The following CA8 variants were observed in gnomAD, a reference collection of about 807,000 sequenced individuals.
CA8 encodes the protein carbonic anhydrase 8 (inactive).
CA8 carries 22 observed loss-of-function variants against 41.4 expected under a neutral mutation model. That is an observed-to-expected ratio of 0.53 (90% CI 0.38 to 0.76). The LOEUF is 0.76. Among genes scored for constraint, CA8 ranks in the 30% least tolerant of loss-of-function variants. The pLI, the probability that CA8 is intolerant of heterozygous loss-of-function variation, is 0.00. For synonymous variants in CA8, 121 were observed against 130.6 expected, an observed-to-expected ratio of 0.93 and a Z score of 0.50; for missense variants, 270 against 352.8, an observed-to-expected ratio of 0.77 and a Z score of 1.88.
At chr8:60,212,261 C>T (rs1374847377) in intron 7 of CA8, among the ~76,000 whole-genome samples, 2 of 152,196 alleles carry the variant, frequency 1.3e-5, no homozygotes, top group Non-Finnish European at 2.9e-5. Context: ...TTTATTAATG[C>T]ATTCAAAGGG....
chr8:60,225,531 T>C (rs1218371705), intron 5 of CA8, among the ~76,000 whole-genome samples: 2 of 152,214 alleles, frequency 1.3e-5, no homozygotes, highest in African/African-American at 4.8e-5. Flanking sequence ...ATCAGCTTTT[T>C]TTATCTGGAC....
At chr8:60,237,332 T>C (rs1472562747) in intron 3 of CA8, among the ~76,000 whole-genome samples, 1 of 152,224 alleles carries the variant, frequency 6.6e-6, no homozygotes, top group African/African-American at 2.4e-5. Context: ...GTTTTACTGT[T>C]ATTAGCATTA....
Position 60,281,239 on chromosome 8 carries a change from GGA to G in CA8, c.-94_-93del. The G allele has an allele frequency of 1.1e-6, 1 of 885,512 alleles. No homozygotes were observed. Among genetic ancestry groups the G allele is most frequent in the Non-Finnish European group, 1.8e-6 (1 of 557,266 alleles). The allele number at this position is 885,512 out of a possible 1,614,324, so 54.9% of individuals were successfully genotyped here. ...GGAGCCGGAGCGGAGCGCGCGTGGG[GGA>G]GTGTGAGCACGCGTGAGCGGCAGTG... On this transcript the variant is annotated 5_prime_UTR_variant, in exon 1 of 9. Coordinates refer to ENST00000317995, the MANE Select transcript of CA8 (RefSeq NM_004056.6).
At chr8:60,217,265 C>A (rs1489400137) in intron 7 of CA8, among the ~76,000 whole-genome samples, 1 of 152,184 alleles carries the variant, frequency 6.6e-6, no homozygotes, top group Non-Finnish European at 1.5e-5. Flanking sequence ...CAAATGTGAC[C>A]ATAGACACCC....
At chr8:60,209,221 C>T (rs995886072) in intron 7 of CA8, among the ~76,000 whole-genome samples, 9 of 152,198 alleles carry the variant, frequency 5.9e-5, no homozygotes, top group African/African-American at 2.2e-4. Flanking sequence ...CACAGTGGCT[C>T]ACGCCTGTAA....
At chr8:60,201,843 A>C (rs529817428) in intron 8 of CA8, among the ~76,000 whole-genome samples, 6 of 152,294 alleles carry the variant, frequency 3.9e-5, no homozygotes, top group Middle Eastern at 3.4e-3. Flanking sequence ...GAAGTTTTAA[A>C]TTTCGTGTTG....
intron 2 of CA8, among the ~76,000 whole-genome samples, chr8:60,277,693 T>C (rs1202100950): frequency 1.3e-5 from 2 of 152,174 alleles, no homozygotes; most frequent in African/African-American, 4.8e-5. Context: ...TTGATAAAGA[T>C]AAAACATTAT....
chr8:60,259,643 G>A (rs1803663604), intron 3 of CA8, among the ~76,000 whole-genome samples: 1 of 152,000 alleles, frequency 6.6e-6, no homozygotes, highest in Non-Finnish European at 1.5e-5. Flanking sequence ...TGCATGAAAT[G>A]TAAAAATAAA....
intron 8 of CA8, among the ~76,000 whole-genome samples, chr8:60,196,251 GATA>G (rs1563518541): frequency 6.6e-6 from 1 of 152,100 alleles, no homozygotes; most frequent in Non-Finnish European, 1.5e-5. Context: ...AATCTATAAT[GATA>G]ATAATAGTAA....
chr8:60,208,636 G>C, intron 8 of CA8, 114 bp downstream of exon 8: 1 of 885,412 alleles, frequency 1.1e-6, no homozygotes, highest in Non-Finnish European at 1.8e-6. Context: ...ATTTTATCAA[G>C]ATGAAGTACA....
In CA8 at chr8:60,193,921, C is replaced by T. The variant is rs192188169; in HGVS notation, c.*36-3936G>A. On this transcript the variant is annotated intron_variant, in intron 8 of 8. Transcript: ENST00000317995. The stretch of plus-strand genomic sequence containing the variant: ...TTCTCTCTCTAGCTTATTACGTGGA[C>T]GATAGACCTCTTAAACTGGTCCTCT... 1.6e-4 allele frequency among the ~76,000 whole-genome samples: 25 copies of T among 152,256 alleles called. 1 individual carries two copies. The highest frequency in any genetic ancestry group is 4.3e-4 in the African/African-American group (18 of 41,542).
At chr8:60,250,687 C>T (rs969464582) in intron 3 of CA8, among the ~76,000 whole-genome samples, 3 of 152,176 alleles carry the variant, frequency 2.0e-5, no homozygotes, top group African/African-American at 7.2e-5. Flanking sequence ...GTGATTTCCG[C>T]ATATCTTTTC....
At chr8:60,204,521 A>G (rs1213690630) in intron 8 of CA8, among the ~76,000 whole-genome samples, 1 of 152,218 alleles carries the variant, frequency 6.6e-6, no homozygotes, top group South Asian at 2.1e-4. Flanking sequence ...TTTGTTTAGT[A>G]ATCTTGAAGA....
At chr8:60,251,131 T>C (rs1808429703) in intron 3 of CA8, among the ~76,000 whole-genome samples, 1 of 152,224 alleles carries the variant, frequency 6.6e-6, no homozygotes, top group South Asian at 2.1e-4. Context: ...ACAGATTATC[T>C]GGCATTTGAA....
chr8:60,230,556 C>A (rs756577094), intron 4 of CA8, among the ~76,000 whole-genome samples: 1 of 152,002 alleles, frequency 6.6e-6, no homozygotes, highest in East Asian at 1.9e-4. Context: ...CCCGACCCCC[C>A]CGATGGATTT....
At chr8:60,221,764 A>G (rs535875719) in intron 7 of CA8, among the ~76,000 whole-genome samples, 123 of 152,364 alleles carry the variant, frequency 8.1e-4, no homozygotes, top group Non-Finnish European at 1.3e-3. Flanking sequence ...AAATAAAGAG[A>G]AATTATTAAA....
chr8:60,212,930 C>A (rs1428788525), intron 7 of CA8, among the ~76,000 whole-genome samples: 3 of 152,148 alleles, frequency 2.0e-5, no homozygotes, highest in Non-Finnish European at 2.9e-5. Flanking sequence ...TTATCAATAA[C>A]AAGAGTCAGA....
intron 3 of CA8, among the ~76,000 whole-genome samples, chr8:60,250,258 TAC>T (rs1211375302): frequency 3.3e-5 from 5 of 151,708 alleles, no homozygotes; most frequent in Admixed American, 2.0e-4. Flanking sequence ...TCTTCTGAGT[TAC>T]AGATACACTT....
At chr8:60,241,045 C>A (rs1361452892) in intron 3 of CA8, among the ~76,000 whole-genome samples, 2 of 152,122 alleles carry the variant, frequency 1.3e-5, no homozygotes, top group Non-Finnish European at 2.9e-5. Flanking sequence ...ACAGAGAAAG[C>A]ACCATCTCTT....
Sources: allele counts gnomAD v4.1 joint callset (sites outside exome capture counted in the v4.1 genomes callset), GRCh38; gene constraint gnomAD v4.1.1; transcripts MANE v1.5; gene names NCBI Gene and HGNC (gene_info 2026-07-23, HGNC 2026-07-21).